The following DOCK4 variants were observed in gnomAD, a reference collection of about 807,000 sequenced individuals.
The protein encoded by DOCK4 is dedicator of cytokinesis 4, also known as dedicator of cytokinesis protein 4.
In DOCK4, 97 loss-of-function variants were observed where a neutral mutation model predicts 268.1. The observed-to-expected ratio is 0.36, with a 90% CI of 0.31 to 0.43. DOCK4 has a LOEUF of 0.43. DOCK4 is among the 20% of genes least tolerant of loss of function. The pLI is 1.00. For synonymous variants in DOCK4, 954 were observed against 887.2 expected, an observed-to-expected ratio of 1.08 and a Z score of -1.34; for missense variants, 2,145 against 2,455.7, an observed-to-expected ratio of 0.87 and a Z score of 2.67.
chr7:112,033,008 A>T (rs973459488), intron 1 of DOCK4, among the ~76,000 whole-genome samples: 4 of 152,216 alleles, frequency 2.6e-5, no homozygotes, highest in African/African-American at 7.2e-5. Flanking sequence ...ATAACTTCTG[A>T]CTTCAATCAC....
intron 16 of DOCK4, among the ~76,000 whole-genome samples, chr7:111,889,117 G>A (rs1808081643): frequency 6.6e-6 from 1 of 152,142 alleles, no homozygotes; most frequent in African/African-American, 2.4e-5. Flanking sequence ...TACCTATTAA[G>A]ATAGCTTAGT....
At chr7:111,738,285 G>C (rs560371696) in intron 49 of DOCK4, among the ~76,000 whole-genome samples, 1 of 152,312 alleles carries the variant, frequency 6.6e-6, no homozygotes, top group Non-Finnish European at 1.5e-5. Context: ...GCAGTTGACA[G>C]GGAAAGGCTG....
intron 8 of DOCK4, among the ~76,000 whole-genome samples, chr7:111,955,474 A>C (rs1233217927): frequency 6.6e-6 from 1 of 152,234 alleles, no homozygotes; most frequent in Non-Finnish European, 1.5e-5. Flanking sequence ...GTTTAGTTGA[A>C]TGACACAACA....
intron 42 of DOCK4, among the ~76,000 whole-genome samples, chr7:111,755,034 C>A (rs749438365): frequency 6.6e-6 from 1 of 152,188 alleles, no homozygotes; most frequent in Non-Finnish European, 1.5e-5. Flanking sequence ...TCAGAAATAT[C>A]TGGGTTGGAG....
intron 8 of DOCK4, among the ~76,000 whole-genome samples, chr7:111,954,008 C>T (rs929035151): frequency 6.6e-6 from 1 of 152,198 alleles, no homozygotes; most frequent in African/African-American, 2.4e-5. Flanking sequence ...GAATTCAAAG[C>T]CACCTCTTTG....
chr7:111,825,046 A>G (rs1179322850), intron 26 of DOCK4, among the ~76,000 whole-genome samples: 1 of 152,200 alleles, frequency 6.6e-6, no homozygotes, highest in African/African-American at 2.4e-5. Flanking sequence ...TAACTAGCCC[A>G]ATGACCTTGG....
At chr7:111,838,852 G>A (rs893102527) in intron 25 of DOCK4, among the ~76,000 whole-genome samples, 20 of 152,110 alleles carry the variant, frequency 1.3e-4, no homozygotes, top group South Asian at 4.2e-4. Context: ...TCAAACAGGT[G>A]TCATTTATTT....
chr7:111,850,881 G>A (rs1328400506), intron 23 of DOCK4, among the ~76,000 whole-genome samples: 1 of 152,162 alleles, frequency 6.6e-6, no homozygotes, highest in Non-Finnish European at 1.5e-5. Context: ...AAGCTTTATT[G>A]CTCACACAAA....
At chr7:111,958,509 A>G (rs1796612855) in intron 8 of DOCK4, among the ~76,000 whole-genome samples, 1 of 152,198 alleles carries the variant, frequency 6.6e-6, no homozygotes, top group South Asian at 2.1e-4. Context: ...AAGAACATCA[A>G]TCTGGTTATC....
intron 16 of DOCK4, among the ~76,000 whole-genome samples, chr7:111,878,481 A>G (rs868036313): frequency 7.9e-5 from 12 of 152,344 alleles, no homozygotes; most frequent in Middle Eastern, 3.4e-3. Context: ...GCACTATCAC[A>G]AGAACCAAAA....
intron 1 of DOCK4, among the ~76,000 whole-genome samples, chr7:112,141,353 A>G (rs1236286722): frequency 6.6e-6 from 1 of 152,316 alleles, no homozygotes; most frequent in East Asian, 1.9e-4. Flanking sequence ...AGACTACAGT[A>G]CCCAATTATT....
At chr7:112,070,909 A>C (rs1228015651) in intron 1 of DOCK4, among the ~76,000 whole-genome samples, 1 of 152,200 alleles carries the variant, frequency 6.6e-6, no homozygotes, top group Non-Finnish European at 1.5e-5. Context: ...GCTGGGTTGA[A>C]GGGGCACGAG....
At chr7:111,912,002 G>C (rs1792144657) in intron 13 of DOCK4, among the ~76,000 whole-genome samples, 1 of 152,174 alleles carries the variant, frequency 6.6e-6, no homozygotes, top group Non-Finnish European at 1.5e-5. Flanking sequence ...AGTACCATGA[G>C]ATGCTCAGGC....
intron 39 of DOCK4, 43 bp from the exon 40 acceptor site, chr7:111,760,365 G>C: frequency 1.3e-6 from 2 of 1,588,814 alleles, no homozygotes; most frequent in African/African-American, 1.3e-5. Flanking sequence ...ATATAACTGA[G>C]TGGATTACAG....
intron 1 of DOCK4, among the ~76,000 whole-genome samples, chr7:112,101,491 A>G (rs1034958701): frequency 6.6e-6 from 1 of 152,226 alleles, no homozygotes. Context: ...AAAGGCTACC[A>G]ATCAGACCTA....
intron 30 of DOCK4, among the ~76,000 whole-genome samples, chr7:111,793,415 CAAAG>C (rs1554594757): frequency 2.0e-5 from 3 of 152,178 alleles, no homozygotes; most frequent in Non-Finnish European, 4.4e-5. Flanking sequence ...ACTATAAACA[CAAAG>C]AGAGACAAAG....
At chr7:112,068,796 G>A (rs1476818822) in intron 1 of DOCK4, among the ~76,000 whole-genome samples, 1 of 152,086 alleles carries the variant, frequency 6.6e-6, no homozygotes, top group African/African-American at 2.4e-5. Context: ...TTGAAATAAT[G>A]TCCCAAGGTA....
At chr7:111,976,673 C>G (rs1280378499) in intron 8 of DOCK4, 1 of 152,122 alleles carries the variant, frequency 6.6e-6, no homozygotes, top group African/African-American at 2.4e-5. Flanking sequence ...TCTCAAAGCT[C>G]TGAGACTTTA....
At chr7:112,146,260 A>G (rs775887969) in intron 1 of DOCK4, among the ~76,000 whole-genome samples, 3 of 152,180 alleles carry the variant, frequency 2.0e-5, no homozygotes, top group Non-Finnish European at 4.4e-5. Context: ...CAAAGTCTCC[A>G]AGCAAAAGCT....
Sources: allele counts gnomAD v4.1 joint callset (sites outside exome capture counted in the v4.1 genomes callset), GRCh38; gene constraint gnomAD v4.1.1; transcripts MANE v1.5; gene names NCBI Gene and HGNC (gene_info 2026-07-23, HGNC 2026-07-21).